The following STK16 variants were observed in gnomAD, a reference collection of about 807,000 sequenced individuals.
STK16 encodes serine/threonine kinase 16.
Under a neutral mutation model 37.8 loss-of-function variants are expected in STK16, and 28 were observed. The ratio of observed to expected loss-of-function variants is 0.74; its 90% confidence interval spans 0.55 to 1.02. The LOEUF is 1.02. Ranked by LOEUF, STK16 falls within the 50% of genes least tolerant of loss-of-function variation. The probability of loss-of-function intolerance (pLI) is 0.00; values close to 1 mark genes in which losing one functional copy is unlikely to be tolerated. For missense variants in STK16, 349 were observed against 390.6 expected (o/e 0.89, Z 0.90); for synonymous variants, 134 against 155.0 (o/e 0.86, Z 1.01).
At chr2:219,247,364 T>A in intron 4 of STK16, 51 bp from the exon 5 acceptor site, 1 of 1,610,020 alleles carries the variant, frequency 6.2e-7, no homozygotes, top group Non-Finnish European at 8.5e-7. Context: ...TTGCTGGGAT[T>A]CCAGCCTTCC....
intron 5 of STK16, 36 bp downstream of exon 5, chr2:219,247,571 C>G (rs750937444): frequency 6.2e-7 from 1 of 1,614,192 alleles, no homozygotes; most frequent in Non-Finnish European, 8.5e-7. Context: ...CTCACCTGTT[C>G]CCCATTCCCA....
In STK16 at chr2:219,246,163, A is replaced by G. The variant is rs1951525394; in HGVS notation, c.86+78A>G. 7.7e-7 allele frequency: 1 copy of G among 1,297,762 alleles called. No individual in the cohort carries two copies. The highest frequency in any genetic ancestry group is 1.9e-5 in the Admixed American group (1 of 53,530). The allele number at this position is 1,297,762 out of a possible 1,614,324, so 80.4% of individuals were successfully genotyped here. On this transcript the variant is annotated intron_variant, in intron 2 of 7. Coordinates refer to ENST00000396738, the MANE Select transcript of STK16 (RefSeq NM_001330213.2). The surrounding 1 kb of genome is among the most constrained non-coding windows in gnomAD (Gnocchi z 4.5). ...ACAGCGGTGTGCATATGCTTGGGGC[A>G]CAAGGGTTTTATCCCTATCCCTGTC...
In STK16 at chr2:219,246,598, C is replaced by T. The variant is rs777429921; in HGVS notation, c.87-59C>T. 3.4e-6 allele frequency: 5 copies of T among 1,449,912 alleles called. No individual in the cohort carries two copies. In the Admixed American group the frequency reaches 5.2e-5, roughly 15 times the overall value. The allele number at this position is 1,449,912 out of a possible 1,614,324, so 89.8% of individuals were successfully genotyped here. A position where few individuals can be genotyped will look rare whatever the true frequency, so the allele number is the denominator to read the frequency against. ...CCCCACTCCCCACCAGGAAATTTCT[C>T]TAGGTCCAAGCCATGTGGGAGATGA... On this transcript the variant is annotated intron_variant, in intron 2 of 7. Coordinates refer to ENST00000396738, the MANE Select transcript of STK16 (RefSeq NM_001330213.2). This position sits in a 1 kb window ranked among gnomAD's most constrained non-coding sequence, Gnocchi z 4.5.
At position 219,250,294 on chromosome 2, in the gene STK16, CTG is replaced by C. The variant is rs1355245970; in HGVS notation, c.*1737_*1738del. On this transcript the variant is annotated 3_prime_UTR_variant, in exon 8 of 8. Coordinates refer to ENST00000396738, the MANE Select transcript of STK16 (RefSeq NM_001330213.2). The surrounding 1 kb of genome is among the most constrained non-coding windows in gnomAD (Gnocchi z 8.4). The stretch of plus-strand genomic sequence containing the variant: ...GGGAACAAGAAACCGTGCAAGGAAA[CTG>C]TTTATTTCGAAAGGATTTTGCAATA... 3 of 1,546,742 alleles carry C rather than the reference CTG, an allele frequency of 1.9e-6. No homozygotes were observed. The highest frequency in any genetic ancestry group is 2.6e-6 in the Non-Finnish European group (3 of 1,146,622).
rs372112640 is a variant in STK16, at chr2:219,248,358, C to G, written c.779+44C>G. 1.7e-5 allele frequency: 27 copies of G among 1,613,562 alleles called. No homozygotes were observed. In the Admixed American group the frequency reaches 2.7e-4, roughly 16 times the overall value. ...GGGCATCAAGTGTTTCAGACTCCCC[C>G]CTGGTATTAGCTGAGTTGACAGATA... On this transcript the variant is annotated intron_variant, in intron 7 of 7. Coordinates refer to ENST00000396738, the MANE Select transcript of STK16 (RefSeq NM_001330213.2).
At chr2:219,247,785 G>A (rs1951569940) in intron 6 of STK16, 28 bp downstream of exon 6, 1 of 1,552,734 alleles carries the variant, frequency 6.4e-7, no homozygotes. Context: ...GGGTATCTGG[G>A]TAGGGAGGGC....
Position 219,246,735 on chromosome 2 carries a change from G to C in STK16, c.165G>C (p.Glu55Asp), listed in dbSNP as rs1328253755. Residue 55 changes from glutamate (E) to aspartate (D), a missense_variant, in exon 3 of 8, where the codon GAG becomes GAC. Glu to Asp is a conservative substitution (Grantham distance 45). Transcript: ENST00000396738. This position sits in a 1 kb window ranked among gnomAD's most constrained non-coding sequence, Gnocchi z 4.5. The part of the protein sequence containing the change: ...FYALKRILCH[E>D]QQDREEAQRE... ...CCCTGAAGCGAATCCTGTGTCACGA[G>C]CAGCAGGACCGGGAGGAGGCCCAGC... 3 of 1,614,228 alleles carry C rather than the reference G, an allele frequency of 1.9e-6. No homozygotes were observed. The highest frequency in any genetic ancestry group is 1.6e-4 in the Middle Eastern group (1 of 6,062).
Position 219,246,502 on chromosome 2 carries a change from C to A in STK16, c.87-155C>A. ...TCTATATCTCTGCTCCTGAGGAGCT[C>A]ACGGTGTAATATTCTTCAGATTTCT... is the stretch of plus-strand genomic sequence containing the variant. On this transcript the variant is annotated intron_variant, in intron 2 of 7. Coordinates refer to ENST00000396738, the MANE Select transcript of STK16 (RefSeq NM_001330213.2). This position sits in a 1 kb window ranked among gnomAD's most constrained non-coding sequence, Gnocchi z 4.5. 1 of 704,890 alleles carries A rather than the reference C, an allele frequency of 1.4e-6. No individual in the cohort carries two copies. The highest frequency in any genetic ancestry group is 1.5e-5 in the South Asian group (1 of 66,238). 43.7% of individuals were successfully genotyped at this position (704,890 alleles called of 1,614,324 possible). A position where few individuals can be genotyped will look rare whatever the true frequency, so the allele number is the denominator to read the frequency against.
At position 219,246,535 on chromosome 2, in the gene STK16, C is replaced by T. The variant is rs779026405; in HGVS notation, c.87-122C>T. 18 of 761,422 alleles carry T rather than the reference C, an allele frequency of 2.4e-5. No homozygotes were observed. The East Asian group carries it at 4.0e-4, about 17-fold the overall frequency. The allele number at this position is 761,422 out of a possible 1,614,324, so 47.2% of individuals were successfully genotyped here. On this transcript the variant is annotated intron_variant, in intron 2 of 7. Transcript: ENST00000396738. The surrounding 1 kb of genome is among the most constrained non-coding windows in gnomAD (Gnocchi z 4.5). ...AATATTCTTCAGATTTCTCTTAGAG[C>T]CACATCTTGGGAAGGTTTCTGCTAA...
chr2:219,246,399 T>C lies in STK16; in HGVS notation c.87-258T>C, dbSNP rs1951530416. On this transcript the variant is annotated intron_variant, in intron 2 of 7. Transcript: ENST00000396738. This position sits in a 1 kb window ranked among gnomAD's most constrained non-coding sequence, Gnocchi z 4.5. ...ACCCAATGCGGGGTTGACAAGTACT[T>C]GATAAGTGTTGGCTATTATTTATTT... is the stretch of plus-strand genomic sequence containing the variant. The C allele has an allele frequency of 1.6e-6, 1 of 612,212 alleles. No homozygotes were observed. The highest frequency in any genetic ancestry group is 3.0e-6 in the Non-Finnish European group (1 of 335,104). The allele number at this position is 612,212 out of a possible 1,614,324, so 37.9% of individuals were successfully genotyped here.
chr2:219,247,776 G>T lies in STK16; in HGVS notation c.657+19G>T. 6.4e-7 allele frequency: 1 copy of T among 1,557,304 alleles called. No homozygotes were observed. Among genetic ancestry groups the T allele is most frequent in the South Asian group, 1.2e-5 (1 of 85,380 alleles). ...TGTCTGGGTGAGGAGCATGTGGGTG[G>T]GTATCTGGGTAGGGAGGGCTGTGGC... On this transcript the variant is annotated intron_variant, in intron 6 of 7. Coordinates refer to ENST00000396738, the MANE Select transcript of STK16 (RefSeq NM_001330213.2).
Position 219,247,770 on chromosome 2 carries a change from T to TG in STK16, c.657+16dup. The TG allele has an allele frequency of 1.3e-6, 2 of 1,561,468 alleles. No homozygotes were observed. Among genetic ancestry groups the TG allele is most frequent in the East Asian group, 4.8e-5 (2 of 41,666 alleles). On this transcript the variant is annotated intron_variant, in intron 6 of 7. Transcript: ENST00000396738. ...GACTGATGTCTGGGTGAGGAGCATG[T>TG]GGGTGGGTATCTGGGTAGGGAGGGC...
Position 219,246,965 on chromosome 2 carries a change from GA to G in STK16, c.306+90del. The G allele has an allele frequency of 6.6e-7, 1 of 1,524,212 alleles. No individual in the cohort carries two copies. The highest frequency in any genetic ancestry group is 8.9e-7 in the Non-Finnish European group (1 of 1,124,820). The allele number at this position is 1,524,212 out of a possible 1,614,324, so 94.4% of individuals were successfully genotyped here. A position where few individuals can be genotyped will look rare whatever the true frequency, so the allele number is the denominator to read the frequency against. On this transcript the variant is annotated intron_variant, in intron 3 of 7. Coordinates refer to ENST00000396738, the MANE Select transcript of STK16 (RefSeq NM_001330213.2). The surrounding 1 kb of genome is among the most constrained non-coding windows in gnomAD (Gnocchi z 4.5). ...GCAGTCCAGCATGTTAGGAAGCAGG[GA>G]CCATGTCCTGGGTTTGGCCACTTTA...
In STK16 at chr2:219,248,591, T is replaced by C. The variant is rs751457327; in HGVS notation, c.*32T>C. The stretch of plus-strand genomic sequence containing the variant: ...AGCATGTTGAGAAGATGGCCCCTTG[T>C]GCCTTGGAAAGAGGTTCCCATCCCT... On this transcript the variant is annotated 3_prime_UTR_variant, in exon 8 of 8. Transcript: ENST00000396738. The C allele has an allele frequency of 1.9e-6, 3 of 1,578,604 alleles. No individual in the cohort carries two copies. Among genetic ancestry groups the C allele is most frequent in the Non-Finnish European group, 2.6e-6 (3 of 1,160,958 alleles).
intron 7 of STK16, 43 bp from the exon 8 acceptor site, chr2:219,248,378 C>T (rs1157035682): frequency 6.2e-7 from 1 of 1,612,542 alleles, no homozygotes; most frequent in Non-Finnish European, 8.5e-7. Context: ...GCTGAGTTGA[C>T]AGATAGGTGT....
At chr2:219,247,569 T>C (rs767035514) in intron 5 of STK16, 34 bp downstream of exon 5, 20 of 1,614,192 alleles carry the variant, frequency 1.2e-5, no homozygotes, top group Non-Finnish European at 1.7e-5. Flanking sequence ...TTCTCACCTG[T>C]TCCCCATTCC....
At position 219,246,928 on chromosome 2, in the gene STK16, A is replaced by C. The variant is rs754566157; in HGVS notation, c.306+52A>C. On this transcript the variant is annotated intron_variant, in intron 3 of 7. Coordinates refer to ENST00000396738, the MANE Select transcript of STK16 (RefSeq NM_001330213.2). This position sits in a 1 kb window ranked among gnomAD's most constrained non-coding sequence, Gnocchi z 4.5. ...GGGTTGCAGCAGAGCCACCTACTCAAGGGCTGTGTGAGCAGTCCAGCATGT... is the reference window on the plus strand; with the variant it reads ...GGGTTGCAGCAGAGCCACCTACTCACGGGCTGTGTGAGCAGTCCAGCATGT... The C allele has an allele frequency of 6.4e-7, 1 of 1,558,744 alleles. No individual in the cohort carries two copies. The highest frequency in any genetic ancestry group is 8.7e-7 in the Non-Finnish European group (1 of 1,144,770).
In STK16 at chr2:219,246,283, A is replaced by G. The variant is rs1053447041; in HGVS notation, c.86+198A>G. The G allele has an allele frequency of 1.5e-5, 9 of 601,096 alleles. No individual in the cohort carries two copies. The highest frequency in any genetic ancestry group is 2.4e-5 in the Non-Finnish European group (8 of 335,428). 37.2% of individuals were successfully genotyped at this position (601,096 alleles called of 1,614,324 possible). On this transcript the variant is annotated intron_variant, in intron 2 of 7. Transcript: ENST00000396738. This position sits in a 1 kb window ranked among gnomAD's most constrained non-coding sequence, Gnocchi z 4.5. ...CCACCTCGTGTGACCTTGATAAACCATGTTTTTTTCATCAGCTTAATGGAG... is the reference window on the plus strand; with the variant it reads ...CCACCTCGTGTGACCTTGATAAACCGTGTTTTTTTCATCAGCTTAATGGAG...
At position 219,248,478 on chromosome 2, in the gene STK16, G is replaced by C. The variant is rs776346869; in HGVS notation, c.837G>C (p.Gln279His). Residue 279 changes from glutamine (Q) to histidine (H), a missense_variant, in exon 8 of 8, where the codon CAG (glutamine) becomes CAC (histidine). By Grantham distance (24) the Gln-to-His change is conservative. Transcript: ENST00000396738. ...CGATGATGACCGTGGACCCGCATCA[G>C]CGTCCTCACATTCCTCTCCTCCTCA... ...LNSMMTVDPHQRPHIPLLLSQ... is the reference protein window; with the variant it reads ...LNSMMTVDPHHRPHIPLLLSQ... The C allele has an allele frequency of 6.2e-7, 1 of 1,614,044 alleles. No homozygotes were observed. Among genetic ancestry groups the C allele is most frequent in the Non-Finnish European group, 8.5e-7 (1 of 1,180,020 alleles).
Sources: gnomAD v4.1 joint callset for allele counts on GRCh38, gnomAD v4.1.1 for gene constraint, Gnocchi (gnomAD v3.1) non-coding constraint, MANE v1.5 for transcripts, NCBI Gene and HGNC (gene_info 2026-07-23, HGNC 2026-07-21) for gene names.